ENOX1: variants seen among roughly 807,000 people sequenced by gnomAD.
ENOX1 encodes the protein ecto-NOX disulfide-thiol exchanger 1.
A neutral mutation model predicts 82.5 loss-of-function variants in ENOX1; 42 were observed. That is an observed-to-expected ratio of 0.51 (90% CI 0.40 to 0.66). The LOEUF (loss-of-function observed/expected upper bound fraction) is 0.66. Ranked by LOEUF, ENOX1 falls within the 30% of genes least tolerant of loss-of-function variation. The pLI, the probability that ENOX1 is intolerant of heterozygous loss-of-function variation, is 0.00. For synonymous variants in ENOX1, 271 were observed against 282.2 expected (o/e 0.96, Z 0.40); for missense variants, 608 against 811.6 (o/e 0.75, Z 3.05).
At chr13:43,603,369 TTTATTTTA>T (rs1325655726) in intron 2 of ENOX1, among the ~76,000 whole-genome samples, 6 of 115,496 alleles carry the variant, frequency 5.2e-5, no homozygotes, top group East Asian at 1.1e-3. Flanking sequence ...TTTCCTTTTA[TTTATTTTA>T]TTTATTTATT....
At chr13:43,301,441 G>A (rs986681135) in intron 11 of ENOX1, among the ~76,000 whole-genome samples, 1 of 152,004 alleles carries the variant, frequency 6.6e-6, no homozygotes, top group South Asian at 2.1e-4. Flanking sequence ...CTATGGAATG[G>A]TACTGCTGAG....
intron 3 of ENOX1, among the ~76,000 whole-genome samples, chr13:43,482,926 C>A (rs1045434536): frequency 1.3e-5 from 2 of 152,116 alleles, no homozygotes; most frequent in South Asian, 2.1e-4. Context: ...CTAGTAAATA[C>A]CCCCTGCCTC....
At chr13:43,535,526 A>C (rs2078421585) in intron 2 of ENOX1, among the ~76,000 whole-genome samples, 2 of 152,156 alleles carry the variant, frequency 1.3e-5, no homozygotes, top group African/African-American at 4.8e-5. Context: ...GCAAAGAGTT[A>C]CTCTCACAAA....
At chr13:43,754,007 T>C (rs1482508948) in intron 1 of ENOX1, among the ~76,000 whole-genome samples, 1 of 40,044 alleles carries the variant, frequency 2.5e-5, no homozygotes, top group Non-Finnish European at 6.6e-5. Context: ...TATATATACA[T>C]ATGTATACAC....
In ENOX1 at chr13:43,662,389, A is replaced by G. The variant is rs184354651; in HGVS notation, c.-219+5090T>C. On this transcript the variant is annotated intron_variant, in intron 2 of 16. Transcript: ENST00000690772. ...TAATAATGCAGAGCATCTCCATGCAATATAGGTGCTTTTCCCTGTTATTCC... is the reference window on the plus strand; with the variant it reads ...TAATAATGCAGAGCATCTCCATGCAGTATAGGTGCTTTTCCCTGTTATTCC... 7.2e-4 allele frequency among the ~76,000 whole-genome samples: 110 copies of G among 152,310 alleles called. No homozygotes were observed. In the Middle Eastern group the frequency reaches 0.01, roughly 14 times the overall value.
chr13:43,748,040 T>A (rs539601270), intron 1 of ENOX1, among the ~76,000 whole-genome samples: 1 of 152,228 alleles, frequency 6.6e-6, no homozygotes, highest in Admixed American at 6.5e-5. Context: ...ATATTATCTG[T>A]TTATCACCAC....
At chr13:43,419,811 A>G (rs1025359380) in intron 3 of ENOX1, among the ~76,000 whole-genome samples, 3 of 152,108 alleles carry the variant, frequency 2.0e-5, no homozygotes, top group African/African-American at 7.2e-5. Context: ...TCTCTACTGA[A>G]AATACAAGAA....
At chr13:43,704,641 C>T (rs544391832) in intron 1 of ENOX1, among the ~76,000 whole-genome samples, 22 of 152,190 alleles carry the variant, frequency 1.4e-4, no homozygotes, top group East Asian at 3.9e-4. Context: ...TGATCCACAA[C>T]GAAGAAATGC....
chr13:43,388,719 C>T (rs2052586328), intron 5 of ENOX1, among the ~76,000 whole-genome samples: 1 of 152,136 alleles, frequency 6.6e-6, no homozygotes, highest in Non-Finnish European at 1.5e-5. Flanking sequence ...CTGAAATTGG[C>T]CAGAGCTACC....
At chr13:43,652,214 C>T (rs1288617735) in intron 2 of ENOX1, among the ~76,000 whole-genome samples, 1 of 152,068 alleles carries the variant, frequency 6.6e-6, no homozygotes, top group East Asian at 1.9e-4. Flanking sequence ...GTGGAAGTCA[C>T]CGGTTAATCC....
intron 10 of ENOX1, among the ~76,000 whole-genome samples, chr13:43,325,073 T>A (rs1289385857): frequency 6.6e-6 from 1 of 152,224 alleles, no homozygotes; most frequent in Non-Finnish European, 1.5e-5. Flanking sequence ...TTCATAACCC[T>A]CAGTTTGTCT....
chr13:43,354,728 C>T (rs2050041644), intron 8 of ENOX1, among the ~76,000 whole-genome samples: 1 of 152,172 alleles, frequency 6.6e-6, no homozygotes, highest in Non-Finnish European at 1.5e-5. Context: ...TGCCATCTGG[C>T]CCAGACTGCC....
At chr13:43,505,732 C>T (rs1195785242) in intron 2 of ENOX1, among the ~76,000 whole-genome samples, 1 of 152,062 alleles carries the variant, frequency 6.6e-6, no homozygotes, top group Non-Finnish European at 1.5e-5. Flanking sequence ...GTTTATTTTG[C>T]TGTGCAGAAG....
intron 3 of ENOX1, among the ~76,000 whole-genome samples, chr13:43,470,752 C>G (rs145346927): frequency 6.6e-6 from 1 of 151,414 alleles, no homozygotes; most frequent in African/African-American, 2.4e-5. Flanking sequence ...TATAAATGAC[C>G]GGTGAGCATA....
At chr13:43,378,008 A>G (rs2051763086) in intron 5 of ENOX1, among the ~76,000 whole-genome samples, 1 of 152,202 alleles carries the variant, frequency 6.6e-6, no homozygotes, top group African/African-American at 2.4e-5. Context: ...GCCCATCTCA[A>G]AATGAAATGT....
intron 15 of ENOX1, among the ~76,000 whole-genome samples, chr13:43,226,330 C>T (rs1398710536): frequency 6.6e-6 from 1 of 151,846 alleles, no homozygotes; most frequent in Non-Finnish European, 1.5e-5. Flanking sequence ...TTTTGGGTAC[C>T]TGGCATATTT....
At chr13:43,302,325 C>T (rs1315647341) in intron 11 of ENOX1, among the ~76,000 whole-genome samples, 1 of 151,952 alleles carries the variant, frequency 6.6e-6, no homozygotes, top group Non-Finnish European at 1.5e-5. Flanking sequence ...TCTAGTGGTG[C>T]CTCTGGATTA....
chr13:43,552,459 A>G (rs1210565965), intron 2 of ENOX1, among the ~76,000 whole-genome samples: 1 of 152,010 alleles, frequency 6.6e-6, no homozygotes, highest in Admixed American at 6.5e-5. Flanking sequence ...TCATTTACAC[A>G]GAATCTTAGG....
intron 11 of ENOX1, among the ~76,000 whole-genome samples, chr13:43,317,793 C>T (rs570295375): frequency 1.3e-5 from 2 of 151,844 alleles, no homozygotes; most frequent in African/African-American, 2.4e-5. Flanking sequence ...CTCACTAAGT[C>T]AGGAGATCGA....
Sources: allele counts gnomAD v4.1 joint callset (sites outside exome capture counted in the v4.1 genomes callset), GRCh38; gene constraint gnomAD v4.1.1; transcripts MANE v1.5; gene names NCBI Gene and HGNC (gene_info 2026-07-23, HGNC 2026-07-21).